SPATA7: variants seen among roughly 807,000 people sequenced by gnomAD.
SPATA7 encodes spermatogenesis associated 7, also known as spermatogenesis-associated protein 7.
A neutral mutation model predicts 51.8 loss-of-function variants in SPATA7; 43 were observed. The ratio of observed to expected loss-of-function variants is 0.83; its 90% confidence interval spans 0.65 to 1.07. The LOEUF (loss-of-function observed/expected upper bound fraction) is 1.07. Among genes scored for constraint, SPATA7 ranks in the 50% least tolerant of loss-of-function variants. SPATA7 has a pLI of 0.00. For synonymous variants in SPATA7, 230 were observed against 252.8 expected (o/e 0.91, Z 0.86); for missense variants, 683 against 701.3 (o/e 0.97, Z 0.30).
At chr14:88,459,728 T>C (rs1482141406), downstream of SPATA7, among the ~76,000 whole-genome samples, 3 of 152,216 alleles carry the variant, frequency 2.0e-5, no homozygotes, top group Non-Finnish European at 4.4e-5. Context: ...AAGGTTAATA[T>C]TGTTATGTGT....
intron 2 of SPATA7, among the ~76,000 whole-genome samples, chr14:88,392,978 T>TTG (rs2075783136): frequency 6.6e-6 from 1 of 152,082 alleles, no homozygotes. Context: ...GGAATATAAT[T>TTG]TTTGTATGTA....
rs371326681 is a variant in SPATA7, at chr14:88,407,318, A to G, written c.239-9393A>G. On this transcript the variant is annotated intron_variant, in intron 4 of 11. Transcript: ENST00000393545. The stretch of plus-strand genomic sequence containing the variant: ...TTTAATGATCGCTATTCTAACTGGC[A>G]TGAGATGGTATCTCATTGTGGTTTT... Among the ~76,000 whole-genome samples, 30 of 152,270 alleles carry G rather than the reference A, an allele frequency of 2.0e-4. No homozygotes were observed. In the East Asian group the frequency reaches 5.4e-3, roughly 27 times the overall value.
At chr14:88,436,674 A>AG (rs1264497126) in intron 10 of SPATA7, among the ~76,000 whole-genome samples, 4 of 152,164 alleles carry the variant, frequency 2.6e-5, no homozygotes. Flanking sequence ...CATTTATTGA[A>AG]GAGACTGCCT....
intron 9 of SPATA7, among the ~76,000 whole-genome samples, chr14:88,432,076 T>C (rs2076957952): frequency 6.6e-6 from 1 of 152,170 alleles, no homozygotes; most frequent in Non-Finnish European, 1.5e-5. Context: ...TTACTTATTT[T>C]TTAAGTAAAA....
chr14:88,453,849 C>G (rs1383271428), intron 3 of SPATA7, among the ~76,000 whole-genome samples: 1 of 152,122 alleles, frequency 6.6e-6, no homozygotes, highest in Non-Finnish European at 1.5e-5. Context: ...CCTAAAAGAA[C>G]AAATCCATGT....
At chr14:88,429,957 G>A (rs2076896780) in intron 8 of SPATA7, among the ~76,000 whole-genome samples, 1 of 150,834 alleles carries the variant, frequency 6.6e-6, no homozygotes, top group African/African-American at 2.5e-5. Context: ...CCAGGCTGGA[G>A]TGCAGTGGTG....
In SPATA7 at chr14:88,437,898, A is replaced by G; in HGVS notation, c.1276A>G (p.Asn426Asp). 1 of 1,611,118 alleles carries G rather than the reference A, an allele frequency of 6.2e-7. No individual in the cohort carries two copies. The highest frequency in any genetic ancestry group is 8.5e-7 in the Non-Finnish European group (1 of 1,178,494). The change falls in exon 12 of 12, where the codon AAC becomes GAC. Residue 426 changes from asparagine (N) to aspartate (D), a missense_variant. Coordinates refer to ENST00000393545, the MANE Select transcript of SPATA7 (RefSeq NM_018418.5). ...AGACTTAGGCTGCACATCGGAGGAA[A>G]ACTCGGTAAAGCAAAATGATGTTGA... is the stretch of plus-strand genomic sequence containing the variant. Reference protein sequence around the residue: ...KVDLGCTSEENSVKQNDVDML... With the variant: ...KVDLGCTSEEDSVKQNDVDML...
Position 88,453,902 on chromosome 14 carries a change from A to G in SPATA7, c.178-1158A>G, listed in dbSNP as rs552071472. Among the ~76,000 whole-genome samples the G allele has an allele frequency of 2.6e-5, 4 of 152,294 alleles. No individual in the cohort carries two copies. In the South Asian group the frequency reaches 8.3e-4, roughly 32 times the overall value. On this transcript the variant is annotated intron_variant, in intron 3 of 3. Coordinates refer to the SPATA7 transcript ENST00000554802. ...GATCTTTTTGGGTTGGAGTAAGGAAAGTTTTGCACCAAGGCTAAGCTTGTT... is the reference window on the plus strand; with the variant it reads ...GATCTTTTTGGGTTGGAGTAAGGAAGGTTTTGCACCAAGGCTAAGCTTGTT...
chr14:88,437,498 A>C (rs767189664), intron 10 of SPATA7, 45 bp from the exon 11 acceptor site: 1 of 1,385,516 alleles, frequency 7.2e-7, no homozygotes, highest in South Asian at 1.2e-5. Flanking sequence ...TATTTAGATG[A>C]TTTTCTGATT....
At chr14:88,445,927 G>A (rs2077208688) in intron 3 of SPATA7, among the ~76,000 whole-genome samples, 1 of 152,178 alleles carries the variant, frequency 6.6e-6, no homozygotes, top group Non-Finnish European at 1.5e-5. Flanking sequence ...TGTTCATCAA[G>A]GATATTGGTC....
At chr14:88,406,038 TTAA>T (rs746051426) in intron 4 of SPATA7, among the ~76,000 whole-genome samples, 18 of 152,196 alleles carry the variant, frequency 1.2e-4, no homozygotes, top group Non-Finnish European at 1.9e-4. Context: ...TTAAGTGTAA[TTAA>T]TAATCATTCT....
chr14:88,470,278 A>G (rs1227795273), exon 5 of SPATA7: 5 of 541,178 alleles, frequency 9.2e-6, no homozygotes, highest in Admixed American at 3.3e-5. Context: ...AATATACATA[A>G]TATCTATGCA....
At chr14:88,395,037 T>C (rs1240238287) in intron 3 of SPATA7, among the ~76,000 whole-genome samples, 65 of 152,072 alleles carry the variant, frequency 4.3e-4, no homozygotes, top group Admixed American at 4.3e-3. Flanking sequence ...TTTGCAGATA[T>C]TTTTTTCCCA....
At chr14:88,422,775 C>G (rs757952143) in intron 5 of SPATA7, among the ~76,000 whole-genome samples, 1 of 151,672 alleles carries the variant, frequency 6.6e-6, no homozygotes, top group Non-Finnish European at 1.5e-5. Context: ...TAGTAACTTG[C>G]ACTTTGCCTA....
chr14:88,431,269 G>T (rs752105058), intron 9 of SPATA7, 44 bp downstream of exon 9: 1 of 1,540,894 alleles, frequency 6.5e-7, no homozygotes, highest in Admixed American at 1.7e-5. Context: ...TGGAATCAAG[G>T]ATTAAGAATC....
chr14:88,456,939 A>G (rs374530650), downstream of SPATA7, among the ~76,000 whole-genome samples: 3 of 152,224 alleles, frequency 2.0e-5, no homozygotes, highest in African/African-American at 7.2e-5. Flanking sequence ...AGCTTTCTAC[A>G]TATGGCTAGC....
intron 4 of SPATA7, chr14:88,468,224 C>G: frequency 6.2e-7 from 1 of 1,610,972 alleles, no homozygotes; most frequent in Non-Finnish European, 8.5e-7. Flanking sequence ...GCATCATTCT[C>G]TGTTGCCTCA....
intron 2 of SPATA7, among the ~76,000 whole-genome samples, chr14:88,392,941 C>G (rs1272883564): frequency 6.6e-6 from 1 of 151,310 alleles, no homozygotes; most frequent in Non-Finnish European, 1.5e-5. Context: ...ATCTTGTTTT[C>G]AGGTTTAAGT....
intron 6 of SPATA7, 24 bp downstream of exon 6, chr14:88,426,728 G>T: frequency 6.4e-7 from 1 of 1,571,358 alleles, no homozygotes; most frequent in South Asian, 1.1e-5. Flanking sequence ...GCAACCAACA[G>T]TAAATCCTTC....
Sources: allele counts gnomAD v4.1 joint callset (sites outside exome capture counted in the v4.1 genomes callset), GRCh38; gene constraint gnomAD v4.1.1; transcripts MANE v1.5; gene names NCBI Gene and HGNC (gene_info 2026-07-23, HGNC 2026-07-21).